Variants in WWOX observed in about 807,000 individuals in gnomAD.
The protein encoded by WWOX is WW domain-containing oxidoreductase.
In WWOX, 69 loss-of-function variants were observed where a neutral mutation model predicts 46.2. The observed-to-expected ratio is 1.49, with a 90% CI of 1.23 to 1.82. WWOX has a LOEUF of 1.82. Among genes scored for constraint, WWOX ranks in the 40% most tolerant of loss-of-function variants. WWOX has a pLI of 0.00. For synonymous variants in WWOX, 359 were observed against 202.6 expected, an observed-to-expected ratio of 1.77 and a Z score of -6.56; for missense variants, 919 against 542.6, an observed-to-expected ratio of 1.69 and a Z score of -6.89.
At chr16:79,018,137 C>G (rs770030526) in intron 8 of WWOX, among the ~76,000 whole-genome samples, 44 of 152,174 alleles carry the variant, frequency 2.9e-4, no homozygotes, top group Non-Finnish European at 5.6e-4. Flanking sequence ...TCATGGCCTT[C>G]AAGAATCTTC....
At chr16:78,804,839 T>C (rs776220992) in intron 8 of WWOX, among the ~76,000 whole-genome samples, 15 of 152,270 alleles carry the variant, frequency 9.9e-5, no homozygotes, top group Non-Finnish European at 1.8e-4. Context: ...ACCTTAGGCA[T>C]TCTGTGATCC....
At chr16:78,329,591 C>A (rs546881429) in intron 5 of WWOX, among the ~76,000 whole-genome samples, 2 of 152,236 alleles carry the variant, frequency 1.3e-5, no homozygotes, top group South Asian at 4.1e-4. Flanking sequence ...TGGCAATGTC[C>A]CCAGTGCAAC....
Position 78,834,968 on chromosome 16 carries a change from C to T in WWOX, c.1057-376640C>T, listed in dbSNP as rs1469762730. 2.6e-5 allele frequency among the ~76,000 whole-genome samples: 4 copies of T among 152,182 alleles called. No homozygotes were observed. In the East Asian group the frequency reaches 7.7e-4, roughly 29 times the overall value. Reference sequence around the variant, plus strand: ...TTGAAGGGCTGTCAGGAACCAGACACTGTGCTGAGTGTTCTACAAACTGTA... The same window carrying T: ...TTGAAGGGCTGTCAGGAACCAGACATTGTGCTGAGTGTTCTACAAACTGTA... On this transcript the variant is annotated intron_variant, in intron 8 of 8. Coordinates refer to ENST00000566780, the MANE Select transcript of WWOX (RefSeq NM_016373.4).
rs144068044 is a variant in WWOX, at chr16:78,604,510, T to G, written c.1056+171758T>G. On this transcript the variant is annotated intron_variant, in intron 8 of 8. Coordinates refer to ENST00000566780, the MANE Select transcript of WWOX (RefSeq NM_016373.4). ...TCTGTGACAAAACTTTCACCATTCT[T>G]TTGTAAAAATTAGAAAAATACAAAA... Among the ~76,000 whole-genome samples the G allele has an allele frequency of 6.6e-3, 1,006 of 152,302 alleles. 11 individuals are homozygous for G. Among genetic ancestry groups the G allele is most frequent in the African/African-American group, 0.023 (952 of 41,580 alleles).
intron 8 of WWOX, among the ~76,000 whole-genome samples, chr16:78,792,898 C>T (rs947367906): frequency 1.4e-4 from 22 of 152,138 alleles, no homozygotes; most frequent in African/African-American, 5.3e-4. Context: ...GGACAGAGTG[C>T]TGTACAGACA....
intron 8 of WWOX, among the ~76,000 whole-genome samples, chr16:78,609,802 TC>T (rs2045855161): frequency 6.6e-6 from 1 of 152,234 alleles, no homozygotes; most frequent in Non-Finnish European, 1.5e-5. Flanking sequence ...AAATATTTTT[TC>T]CAAAGCTATC....
intron 8 of WWOX, among the ~76,000 whole-genome samples, chr16:78,978,990 C>T (rs1464711020): frequency 1.3e-5 from 2 of 152,108 alleles, no homozygotes; most frequent in African/African-American, 4.8e-5. Flanking sequence ...CAGGTGCAAT[C>T]ATTTTAGGCT....
intron 8 of WWOX, among the ~76,000 whole-genome samples, chr16:78,881,640 T>A (rs1281759070): frequency 1.3e-5 from 2 of 152,220 alleles, no homozygotes; most frequent in African/African-American, 2.4e-5. Flanking sequence ...ATTACATTCT[T>A]CTTAGCTCCA....
At chr16:78,249,573 C>G (rs2037924347) in intron 5 of WWOX, among the ~76,000 whole-genome samples, 2 of 152,182 alleles carry the variant, frequency 1.3e-5, no homozygotes, top group South Asian at 2.1e-4. Context: ...TGGCAGCAGC[C>G]TCGGCTGGTT....
chr16:78,641,670 C>T (rs755013288), intron 8 of WWOX, among the ~76,000 whole-genome samples: 1 of 152,224 alleles, frequency 6.6e-6, no homozygotes, highest in Non-Finnish European at 1.5e-5. Flanking sequence ...TAAACGGCCC[C>T]GCAGATTGCC....
At chr16:78,559,024 C>T (rs989531311) in intron 8 of WWOX, among the ~76,000 whole-genome samples, 4 of 152,204 alleles carry the variant, frequency 2.6e-5, no homozygotes, top group Non-Finnish European at 5.9e-5. Flanking sequence ...ATATCCACGG[C>T]ATCCACACAA....
intron 8 of WWOX, among the ~76,000 whole-genome samples, chr16:78,681,139 C>G (rs1567486440): frequency 1.3e-5 from 2 of 152,184 alleles, no homozygotes; most frequent in Non-Finnish European, 2.9e-5. Flanking sequence ...GTCCCAGCTA[C>G]TTTGGAGGCT....
intron 8 of WWOX, among the ~76,000 whole-genome samples, chr16:78,583,608 C>G (rs2045117699): frequency 6.6e-6 from 1 of 152,166 alleles, no homozygotes; most frequent in Non-Finnish European, 1.5e-5. Flanking sequence ...TCTTCCCAAG[C>G]TGGGATTGAC....
intron 8 of WWOX, among the ~76,000 whole-genome samples, chr16:79,137,708 C>A (rs2050009784): frequency 6.6e-6 from 1 of 152,108 alleles, no homozygotes; most frequent in African/African-American, 2.4e-5. Flanking sequence ...CCCCGACCCT[C>A]CTCCATCCCC....
chr16:79,094,745 TAAC>T (rs1285560346), intron 8 of WWOX, among the ~76,000 whole-genome samples: 1 of 152,004 alleles, frequency 6.6e-6, no homozygotes, highest in Non-Finnish European at 1.5e-5. Context: ...GAATGAGGAA[TAAC>T]AACCTCTCAT....
At chr16:78,592,196 A>C (rs2045368361) in intron 8 of WWOX, among the ~76,000 whole-genome samples, 1 of 152,204 alleles carries the variant, frequency 6.6e-6, no homozygotes, top group Non-Finnish European at 1.5e-5. Flanking sequence ...CTTTTTGCAA[A>C]GCGGATGTGT....
At chr16:78,712,206 A>C (rs189525573) in intron 8 of WWOX, among the ~76,000 whole-genome samples, 2 of 152,226 alleles carry the variant, frequency 1.3e-5, no homozygotes, top group Admixed American at 1.3e-4. Context: ...GCTGTAGACA[A>C]AATGCTATAT....
At chr16:78,672,195 A>T (rs940603305) in intron 8 of WWOX, among the ~76,000 whole-genome samples, 3 of 152,162 alleles carry the variant, frequency 2.0e-5, no homozygotes, top group African/African-American at 7.2e-5. Context: ...CAGAAGACAA[A>T]CCCAAAGGAA....
chr16:78,156,887 C>T (rs1567603722), intron 4 of WWOX, among the ~76,000 whole-genome samples: 2 of 152,162 alleles, frequency 1.3e-5, no homozygotes, highest in South Asian at 4.1e-4. Flanking sequence ...TTGCAGATTG[C>T]ACCGCTGCAC....
Sources: allele counts gnomAD v4.1 joint callset (sites outside exome capture counted in the v4.1 genomes callset), GRCh38; gene constraint gnomAD v4.1.1; transcripts MANE v1.5; gene names NCBI Gene and HGNC (gene_info 2026-07-23, HGNC 2026-07-21).